Variants in OCLN observed in about 807,000 individuals in gnomAD.
The protein encoded by OCLN is phosphatase 1, regulatory subunit 115.
OCLN carries 21 observed loss-of-function variants against 47.9 expected under a neutral mutation model. The observed-to-expected ratio is 0.44, with a 90% CI of 0.31 to 0.63. The LOEUF (loss-of-function observed/expected upper bound fraction) is 0.63, where lower values mean the gene tolerates loss of function less well. OCLN is among the 30% of genes least tolerant of loss of function. OCLN has a pLI of 0.08. For missense variants in OCLN, 360 were observed against 571.0 expected (o/e 0.63, Z 3.77); for synonymous variants, 117 against 198.4 (o/e 0.59, Z 3.45).
intron 1 of OCLN, among the ~76,000 whole-genome samples, chr5:69,498,264 T>C (rs1384044104): frequency 6.6e-6 from 1 of 152,094 alleles, no homozygotes; most frequent in Non-Finnish European, 1.5e-5. Flanking sequence ...GAGGCTGAGG[T>C]GGGTGGATCA....
At chr5:69,535,050 C>CAT (rs1350826106) in intron 5 of OCLN, among the ~76,000 whole-genome samples, 54 of 152,096 alleles carry the variant, frequency 3.6e-4, no homozygotes, top group African/African-American at 1.3e-3. Flanking sequence ...GGTTCTATTT[C>CAT]CCTTCTAAGT....
At chr5:69,548,542 G>T (rs1485007362) in intron 7 of OCLN, among the ~76,000 whole-genome samples, 5 of 148,088 alleles carry the variant, frequency 3.4e-5, no homozygotes, top group Admixed American at 3.4e-4. Context: ...GGATGGTCTC[G>T]ATCTCCTGAC....
intron 4 of OCLN, among the ~76,000 whole-genome samples, chr5:69,515,629 G>C (rs1181572758): frequency 8.6e-4 from 91 of 105,226 alleles, no homozygotes; most frequent in Non-Finnish European, 1.8e-3. Flanking sequence ...CTGGCCGGGC[G>C]GGGGGCTGAC....
chr5:69,529,785 T>G (rs761150452), intron 4 of OCLN, among the ~76,000 whole-genome samples: 3 of 152,118 alleles, frequency 2.0e-5, no homozygotes, highest in Non-Finnish European at 4.4e-5. Context: ...GTATTTTTAG[T>G]AGAGATGGGG....
At chr5:69,533,275 T>C (rs1769498891) in intron 4 of OCLN, among the ~76,000 whole-genome samples, 1 of 151,956 alleles carries the variant, frequency 6.6e-6, no homozygotes, top group South Asian at 2.1e-4. Flanking sequence ...TATAGAAAAT[T>C]TATTTGGGCC....
chr5:69,506,920 TAAAGA>T lies in OCLN; in HGVS notation c.51-2216_51-2212del, dbSNP rs542048802. 1.6e-4 allele frequency among the ~76,000 whole-genome samples: 24 copies of T among 152,214 alleles called. No homozygotes were observed. The East Asian group carries it at 4.3e-3, about 27-fold the overall frequency. ...AAATAATGGTGAACTGCAACATACA[TAAAGA>T]AAAGGACACAGAACATATGTAGGAG... On this transcript the variant is annotated intron_variant, in intron 2 of 8. Coordinates refer to ENST00000396442, the MANE Select transcript of OCLN (RefSeq NM_001205254.2).
chr5:69,514,669 C>T (rs1361643112), intron 4 of OCLN, among the ~76,000 whole-genome samples: 8 of 152,148 alleles, frequency 5.3e-5, no homozygotes, highest in South Asian at 2.1e-4. Flanking sequence ...GAGGACCCTG[C>T]GGCCTTCTGC....
Position 69,532,974 on chromosome 5 carries a change from A to T in OCLN, c.892-1720A>T, listed in dbSNP as rs567403325. Among the ~76,000 whole-genome samples the T allele has an allele frequency of 2.2e-3, 273 of 123,374 alleles. 3 individuals are homozygous for T. Among genetic ancestry groups the T allele is most frequent in the South Asian group, 0.011 (39 of 3,610 alleles). 80.9% of individuals were successfully genotyped at this position (123,374 alleles called of 152,430 possible). ...CAGGGTGAGACTCTGTCTCAAAAAA[A>T]ATATATATATATATGTATGCATGTA... is the stretch of plus-strand genomic sequence containing the variant. On this transcript the variant is annotated intron_variant, in intron 4 of 8. Transcript: ENST00000396442.
chr5:69,548,666 TA>T, intron 7 of OCLN, among the ~76,000 whole-genome samples: 1 of 150,506 alleles, frequency 6.6e-6, no homozygotes, highest in South Asian at 2.1e-4. Context: ...CTATTTAAAA[TA>T]AAATAGCCAG....
At chr5:69,524,405 T>G (rs748858165) in intron 4 of OCLN, among the ~76,000 whole-genome samples, 1 of 152,246 alleles carries the variant, frequency 6.6e-6, no homozygotes. Context: ...TATAATTTGC[T>G]TTTTAAGTTT....
chr5:69,530,120 C>A (rs967334408), intron 4 of OCLN, among the ~76,000 whole-genome samples: 1 of 152,054 alleles, frequency 6.6e-6, no homozygotes, highest in African/African-American at 2.4e-5. Flanking sequence ...AGGAGGATTG[C>A]ATGAGTCCAG....
intron 4 of OCLN, among the ~76,000 whole-genome samples, chr5:69,517,312 ATAT>A (rs1170824086): frequency 1.4e-3 from 113 of 82,240 alleles, no homozygotes; most frequent in Admixed American, 3.7e-3. Context: ...ATATATATAT[ATAT>A]TTTTTTTTTT....
intron 1 of OCLN, among the ~76,000 whole-genome samples, chr5:69,502,992 A>T (rs2111953208): frequency 6.6e-6 from 1 of 152,340 alleles, no homozygotes; most frequent in Non-Finnish European, 1.5e-5. Flanking sequence ...ACTCACTGAC[A>T]TCCATATAAC....
At chr5:69,519,365 A>T (rs573687650) in intron 4 of OCLN, among the ~76,000 whole-genome samples, 12 of 152,270 alleles carry the variant, frequency 7.9e-5, no homozygotes, top group Admixed American at 5.9e-4. Flanking sequence ...AACAAGTTTT[A>T]TCCCTTTTGT....
chr5:69,550,418 C>T (rs887674384), intron 7 of OCLN, among the ~76,000 whole-genome samples: 2 of 151,302 alleles, frequency 1.3e-5, no homozygotes, highest in Non-Finnish European at 3.0e-5. Context: ...CCTCGAACTC[C>T]TGACCTCAGG....
rs1188006043 is a variant in OCLN, at chr5:69,520,303, C to CT, written c.891+6209dup. The stretch of plus-strand genomic sequence containing the variant: ...CAACTTAAGTTACCACTATGGGGTA[C>CT]TTTTTTTTTTTTTTTGAGATGGAGT... On this transcript the variant is annotated intron_variant, in intron 4 of 8. Coordinates refer to ENST00000396442, the MANE Select transcript of OCLN (RefSeq NM_001205254.2). Among the ~76,000 whole-genome samples, 288 of 130,766 alleles carry CT rather than the reference C, an allele frequency of 2.2e-3. 1 individual carries two copies. Among genetic ancestry groups the CT allele is most frequent in the Middle Eastern group, 5.6e-3 (1 of 180 alleles). 85.8% of individuals were successfully genotyped at this position (130,766 alleles called of 152,430 possible).
At chr5:69,507,075 A>T (rs1341583394) in intron 2 of OCLN, among the ~76,000 whole-genome samples, 1 of 152,212 alleles carries the variant, frequency 6.6e-6, no homozygotes. Context: ...TATGATCATT[A>T]CCTGCTTTTA....
rs1238045602 is a variant in OCLN, at chr5:69,553,742, C to A, written c.*71C>A. 50 of 1,594,786 alleles carry A rather than the reference C, an allele frequency of 3.1e-5. No individual in the cohort carries two copies. Among genetic ancestry groups the A allele is most frequent in the Non-Finnish European group, 4.0e-5 (47 of 1,164,950 alleles). On this transcript the variant is annotated 3_prime_UTR_variant, in exon 9 of 9. Coordinates refer to ENST00000396442, the MANE Select transcript of OCLN (RefSeq NM_001205254.2). ...TGCAATCTTCTCAGAAGGCAAATGA[C>A]TTTGGACCATAACCCCGGAAGCCAA...
At chr5:69,516,957 G>A (rs1253237504) in intron 4 of OCLN, among the ~76,000 whole-genome samples, 1 of 152,156 alleles carries the variant, frequency 6.6e-6, no homozygotes, top group Non-Finnish European at 1.5e-5. Context: ...CTACTCAGGA[G>A]GCTGAGGTGA....
Sources: allele counts gnomAD v4.1 joint callset (sites outside exome capture counted in the v4.1 genomes callset), GRCh38; gene constraint gnomAD v4.1.1; transcripts MANE v1.5; gene names NCBI Gene and HGNC (gene_info 2026-07-23, HGNC 2026-07-21).